The following TLL2 variants were observed in gnomAD, a reference collection of about 807,000 sequenced individuals.
TLL2 encodes the protein tolloid like 2.
TLL2 carries 106 observed loss-of-function variants against 123.0 expected under a neutral mutation model. The ratio of observed to expected loss-of-function variants is 0.86; its 90% CI spans 0.74 to 1.01. TLL2 has a LOEUF of 1.01. Ranked by LOEUF, TLL2 falls within the 50% of genes least tolerant of loss-of-function variation. The pLI is 0.00. For missense variants in TLL2, 1,332 were observed against 1,336.7 expected, an observed-to-expected ratio of 1.00 and a Z score of 0.06; for synonymous variants, 494 against 516.8, an observed-to-expected ratio of 0.96 and a Z score of 0.60.
chr10:96,390,437 G>A (rs1846275906), intron 13 of TLL2, among the ~76,000 whole-genome samples: 1 of 152,214 alleles, frequency 6.6e-6, no homozygotes, highest in Non-Finnish European at 1.5e-5. Flanking sequence ...TTCTCCCAAA[G>A]TAACCAGAAT....
At chr10:96,495,062 C>T (rs1847457121) in intron 1 of TLL2, among the ~76,000 whole-genome samples, 1 of 152,124 alleles carries the variant, frequency 6.6e-6, no homozygotes, top group Admixed American at 6.5e-5. Context: ...TTGCTTGGGG[C>T]CTGCTGTTTG....
intron 9 of TLL2, among the ~76,000 whole-genome samples, chr10:96,406,574 T>G (rs1010348722): frequency 2.0e-5 from 3 of 152,122 alleles, no homozygotes; most frequent in Non-Finnish European, 2.9e-5. Context: ...AGTAAACCCT[T>G]AGGCTGGAAG....
At chr10:96,369,451 T>G (rs570843449) in intron 20 of TLL2, among the ~76,000 whole-genome samples, 2 of 152,252 alleles carry the variant, frequency 1.3e-5, no homozygotes, top group East Asian at 3.9e-4. Flanking sequence ...TTTTAAAGCC[T>G]GAAGGCCAAA....
chr10:96,399,704 A>G (rs1846375602), intron 10 of TLL2, among the ~76,000 whole-genome samples: 1 of 152,224 alleles, frequency 6.6e-6, no homozygotes, highest in South Asian at 2.1e-4. Flanking sequence ...GAGGACACGG[A>G]GCAATTAGAC....
intron 1 of TLL2, among the ~76,000 whole-genome samples, chr10:96,483,093 CA>C (rs1271656288): frequency 6.6e-6 from 1 of 151,898 alleles, no homozygotes; most frequent in Non-Finnish European, 1.5e-5. Context: ...AGCGTAGGAC[CA>C]AAAAAAGTCA....
chr10:96,421,204 T>C, intron 6 of TLL2, 143 bp from the exon 7 acceptor site: 1 of 619,898 alleles, frequency 1.6e-6, no homozygotes, highest in Non-Finnish European at 2.8e-6. Context: ...GTAGTGGTTC[T>C]TGTTGTTTTT....
chr10:96,411,721 C>T (rs1186192379), intron 8 of TLL2, among the ~76,000 whole-genome samples: 1 of 152,232 alleles, frequency 6.6e-6, no homozygotes, highest in Non-Finnish European at 1.5e-5. Flanking sequence ...CTTTTCCTTA[C>T]ATGCAGTTCA....
At chr10:96,407,948 T>C in intron 9 of TLL2, among the ~76,000 whole-genome samples, 1 of 152,260 alleles carries the variant, frequency 6.6e-6, no homozygotes, top group East Asian at 1.9e-4. Context: ...TTTTCGACCC[T>C]ACTTGCACAT....
chr10:96,410,408 G>T lies in TLL2; in HGVS notation c.1115C>A (p.Pro372Gln), dbSNP rs1490501325. Residue 372 changes from proline (P) to glutamine (Q), a missense_variant, in exon 9 of 21, where the codon CCA (proline) becomes CAA (glutamine). Physicochemically the swap from Pro to Gln is moderately conservative, Grantham distance 76. Coordinates refer to ENST00000357947, the MANE Select transcript of TLL2 (RefSeq NM_012465.4). Reference sequence around the variant, plus strand: ...CCTCCAGACGCAGTGGGAGTAAGATGGGTACCCATTTGGGAAACCAGGTGC... The same window carrying T: ...CCTCCAGACGCAGTGGGAGTAAGATTGGTACCCATTTGGGAAACCAGGTGC... Reference protein sequence around the residue: ...FSAPGFPNGYPSYSHCVWRIS... With the variant: ...FSAPGFPNGYQSYSHCVWRIS... The T allele has an allele frequency of 6.2e-7, 1 of 1,613,906 alleles. No homozygotes were observed. The highest frequency in any genetic ancestry group is 1.1e-5 in the South Asian group (1 of 91,066).
intron 2 of TLL2, among the ~76,000 whole-genome samples, chr10:96,459,717 TATATATATATATATAG>T (rs1024681033): frequency 1.1e-5 from 1 of 91,568 alleles, no homozygotes; most frequent in African/African-American, 3.9e-5. Context: ...TATATATATA[TATATATATATATATAG>T]CAGCTAAAAT....
intron 1 of TLL2, among the ~76,000 whole-genome samples, chr10:96,509,717 G>A (rs1371006421): frequency 6.6e-6 from 1 of 152,262 alleles, no homozygotes; most frequent in African/African-American, 2.4e-5. Flanking sequence ...GGAGGCCGAG[G>A]CGGGCAGATC....
At chr10:96,410,320 G>A (rs1264557823) in intron 9 of TLL2, 39 bp downstream of exon 9, 1 of 1,498,180 alleles carries the variant, frequency 6.7e-7, no homozygotes, top group East Asian at 2.3e-5. Context: ...CCCAACTCAA[G>A]GAGTGCCGTC....
chr10:96,503,818 G>C (rs751190761), intron 1 of TLL2, among the ~76,000 whole-genome samples: 3 of 152,216 alleles, frequency 2.0e-5, no homozygotes, highest in Non-Finnish European at 2.9e-5. Flanking sequence ...CAAGGATAAA[G>C]AAAAAGATAG....
intron 1 of TLL2, among the ~76,000 whole-genome samples, chr10:96,490,219 G>A (rs894070639): frequency 6.6e-6 from 1 of 152,214 alleles, no homozygotes; most frequent in Non-Finnish European, 1.5e-5. Flanking sequence ...AAAAGTGACT[G>A]ACGAGACATG....
chr10:96,378,937 C>G, intron 17 of TLL2, 30 bp downstream of exon 17: 3 of 1,610,686 alleles, frequency 1.9e-6, no homozygotes, highest in Non-Finnish European at 2.5e-6. Context: ...GGGCAGCCCG[C>G]CCCCCCAACA....
rs1846488807 is a variant in TLL2 at position 96,410,349 on chromosome 10, T to C, written c.1164+10A>G. 1 of 1,609,152 alleles carries C rather than the reference T, an allele frequency of 6.2e-7. No homozygotes were observed. Among genetic ancestry groups the C allele is most frequent in the Non-Finnish European group, 8.5e-7 (1 of 1,177,100 alleles). On this transcript the variant is annotated intron_variant, in intron 9 of 20. Coordinates refer to ENST00000357947, the MANE Select transcript of TLL2 (RefSeq NM_012465.4). The stretch of plus-strand genomic sequence containing the variant: ...TGCCGTCCCATTTGCCAAGGGGGCT[T>C]CCCACCTACCTTTTCCCCTGGGGTG...
intron 12 of TLL2, 48 bp downstream of exon 12, chr10:96,395,827 T>C: frequency 1.7e-5 from 28 of 1,606,932 alleles, no homozygotes; most frequent in Non-Finnish European, 2.4e-5. Context: ...GGAGGATGTC[T>C]AGCAAAAGTT....
intron 5 of TLL2, among the ~76,000 whole-genome samples, chr10:96,424,914 TTTTC>T (rs1846664631): frequency 6.6e-6 from 1 of 151,948 alleles, no homozygotes; most frequent in African/African-American, 2.4e-5. Flanking sequence ...CTCTTCGATT[TTTTC>T]TTTCTTTCTT....
At chr10:96,372,686 C>T (rs1846095831) in intron 19 of TLL2, among the ~76,000 whole-genome samples, 2 of 152,168 alleles carry the variant, frequency 1.3e-5, no homozygotes, top group Non-Finnish European at 2.9e-5. Context: ...GGGCTGTTTT[C>T]ACCACTCAGT....
Sources: gnomAD v4.1 joint callset for allele counts (sites outside exome capture counted in the v4.1 genomes callset) on GRCh38, gnomAD v4.1.1 for gene constraint, MANE v1.5 for transcripts, NCBI Gene and HGNC (gene_info 2026-07-23, HGNC 2026-07-21) for gene names.